ADAM12: variants seen among roughly 807,000 people sequenced by gnomAD.
ADAM12 encodes the protein disintegrin and metalloproteinase domain-containing protein 12.
ADAM12 carries 70 observed loss-of-function variants against 106.4 expected under a neutral mutation model. The observed-to-expected ratio is 0.66, with a 90% CI of 0.54 to 0.80. ADAM12 has a LOEUF of 0.80. Among genes scored for constraint, ADAM12 ranks in the 30% least tolerant of loss-of-function variants. The pLI, the probability that ADAM12 is intolerant of heterozygous loss-of-function variation, is 0.00. For synonymous variants in ADAM12, 420 were observed against 433.5 expected (o/e 0.97, Z 0.39); for missense variants, 1,010 against 1,171.9 (o/e 0.86, Z 2.02).
chr10:126,046,181 C>T (rs141578034), intron 16 of ADAM12, 49 bp from the exon 17 acceptor site: 130 of 1,528,128 alleles, frequency 8.5e-5, no homozygotes, highest in Middle Eastern at 8.5e-4. Flanking sequence ...TCTCCAACCC[C>T]TCCAGCATGC....
intron 3 of ADAM12, among the ~76,000 whole-genome samples, chr10:126,261,209 C>A (rs1305483341): frequency 2.0e-5 from 3 of 152,024 alleles, no homozygotes; most frequent in Admixed American, 2.0e-4. Flanking sequence ...CCTTCAGATA[C>A]CAAGGCACGA....
intron 1 of ADAM12, among the ~76,000 whole-genome samples, chr10:126,354,803 A>G (rs112521088): frequency 2.7e-4 from 39 of 145,198 alleles, no homozygotes; most frequent in African/African-American, 9.6e-4. Context: ...CCACTGCTAA[A>G]GTTTGTTTTT....
intron 3 of ADAM12, among the ~76,000 whole-genome samples, chr10:126,266,241 C>A (rs534231617): frequency 2.0e-4 from 30 of 152,188 alleles, no homozygotes; most frequent in Non-Finnish European, 4.1e-4. Flanking sequence ...TGGGGGCCCT[C>A]CCATTGCTGA....
At chr10:126,160,507 T>C (rs1429895909) in intron 3 of ADAM12, among the ~76,000 whole-genome samples, 2 of 152,082 alleles carry the variant, frequency 1.3e-5, no homozygotes, top group East Asian at 1.9e-4. Flanking sequence ...AGAGAAGCAA[T>C]ATGACCTGAT....
At chr10:126,311,325 T>G (rs1271405373) in intron 2 of ADAM12, among the ~76,000 whole-genome samples, 1 of 152,134 alleles carries the variant, frequency 6.6e-6, no homozygotes, top group Non-Finnish European at 1.5e-5. Context: ...AAATAATTCT[T>G]TTTAAATCTA....
At chr10:126,296,965 G>A (rs1960410601) in intron 2 of ADAM12, among the ~76,000 whole-genome samples, 1 of 152,190 alleles carries the variant, frequency 6.6e-6, no homozygotes, top group Admixed American at 6.5e-5. Context: ...GCCAGGGGCT[G>A]TGCTAGGCTT....
chr10:126,036,358 C>T (rs773075367), intron 20 of ADAM12, 33 bp from the exon 21 acceptor site: 7 of 1,551,564 alleles, frequency 4.5e-6, no homozygotes, highest in African/African-American at 1.4e-5. Flanking sequence ...CATGCTATAG[C>T]GGGTTTCAAA....
intron 14 of ADAM12, among the ~76,000 whole-genome samples, chr10:126,058,946 CA>C (rs1954692568): frequency 6.6e-6 from 1 of 152,198 alleles, no homozygotes; most frequent in African/African-American, 2.4e-5. Flanking sequence ...GTTTTCTTAT[CA>C]CTACCATATT....
chr10:126,042,860 G>A (rs1369471554), intron 18 of ADAM12, among the ~76,000 whole-genome samples, 180 bp downstream of exon 18: 1 of 152,232 alleles, frequency 6.6e-6, no homozygotes, highest in Non-Finnish European at 1.5e-5. Flanking sequence ...CCTCAGAGAA[G>A]ATCGGGCAGG....
At chr10:126,048,543 TAGTG>T (rs1388722060) in intron 16 of ADAM12, among the ~76,000 whole-genome samples, 1 of 152,108 alleles carries the variant, frequency 6.6e-6, no homozygotes, top group African/African-American at 2.4e-5. Flanking sequence ...GACCTCATGT[TAGTG>T]AGTGATTTCA....
rs115629422 is a variant in ADAM12 at position 126,032,778 on chromosome 10, G to A, written c.2529+3368C>T. Among the ~76,000 whole-genome samples, 1,025 of 152,198 alleles carry A rather than the reference G, an allele frequency of 6.7e-3. 15 individuals are homozygous for A. The highest frequency in any genetic ancestry group is 0.022 in the African/African-American group (910 of 41,516). On this transcript the variant is annotated intron_variant, in intron 21 of 22. Transcript: ENST00000448723. ...CAAGTCCACGGACCAGAAAAGTTTA[G>A]GGCATGCTCACCACCTTCCATGACT... is the stretch of plus-strand genomic sequence containing the variant.
intron 4 of ADAM12, among the ~76,000 whole-genome samples, chr10:126,136,032 G>A (rs1009982274): frequency 6.6e-6 from 1 of 152,084 alleles, no homozygotes; most frequent in Non-Finnish European, 1.5e-5. Flanking sequence ...ACTGTAGGGG[G>A]TATTTAAGCA....
At chr10:126,352,781 C>T (rs988780540) in intron 1 of ADAM12, among the ~76,000 whole-genome samples, 6 of 152,172 alleles carry the variant, frequency 3.9e-5, no homozygotes, top group Non-Finnish European at 1.5e-5. Flanking sequence ...GGCTGGGGAC[C>T]TTGCCATAAA....
At chr10:126,151,380 T>C (rs1658110791) in intron 4 of ADAM12, among the ~76,000 whole-genome samples, 1 of 152,240 alleles carries the variant, frequency 6.6e-6, no homozygotes, top group African/African-American at 2.4e-5. Flanking sequence ...ATAATACTTT[T>C]AATCTGAAGA....
intron 3 of ADAM12, among the ~76,000 whole-genome samples, chr10:126,161,627 C>G (rs142001623): frequency 6.6e-6 from 1 of 152,206 alleles, no homozygotes; most frequent in African/African-American, 2.4e-5. Context: ...GGGTGATACA[C>G]GTCCCACATC....
intron 5 of ADAM12, among the ~76,000 whole-genome samples, chr10:126,133,943 T>C (rs868700002): frequency 3.3e-5 from 5 of 152,334 alleles, no homozygotes; most frequent in South Asian, 2.1e-4. Flanking sequence ...CAGCTTTGTC[T>C]TTCTCCATGA....
intron 1 of ADAM12, among the ~76,000 whole-genome samples, chr10:126,379,656 C>T (rs922102814): frequency 1.3e-5 from 2 of 152,088 alleles, no homozygotes; most frequent in African/African-American, 4.8e-5. Flanking sequence ...AACAAAACTG[C>T]ACGTTCTGCC....
chr10:126,323,624 G>A (rs1854190198), intron 2 of ADAM12, among the ~76,000 whole-genome samples: 1 of 152,192 alleles, frequency 6.6e-6, no homozygotes, highest in Non-Finnish European at 1.5e-5. Context: ...CAAGGTGGAA[G>A]GGCACAGAGC....
intron 11 of ADAM12, among the ~76,000 whole-genome samples, chr10:126,092,976 A>C (rs117049307): frequency 0.013 from 1,911 of 152,294 alleles, 79 homozygotes; most frequent in East Asian, 0.086. Flanking sequence ...TTTAAACCGC[A>C]GTAGCAGGTA....
Sources: allele counts gnomAD v4.1 joint callset (sites outside exome capture counted in the v4.1 genomes callset), GRCh38; gene constraint gnomAD v4.1.1; transcripts MANE v1.5; gene names NCBI Gene and HGNC (gene_info 2026-07-23, HGNC 2026-07-21).